LRBA: variants seen among roughly 807,000 people sequenced by gnomAD.
LRBA encodes the protein lipopolysaccharide-responsive and beige-like anchor protein.
LRBA carries 176 observed loss-of-function variants against 330.0 expected under a neutral mutation model. That is an observed-to-expected ratio of 0.53 (90% CI 0.47 to 0.60). The LOEUF is 0.60. Ranked by LOEUF, LRBA falls within the 20% of genes least tolerant of loss-of-function variation. LRBA has a pLI of 0.00. For missense variants in LRBA, 3,259 were observed against 3,444.8 expected (o/e 0.95, Z 1.35); for synonymous variants, 1,230 against 1,193.0 (o/e 1.03, Z -0.64).
chr4:150,897,527 A>G (rs1730222490), intron 15 of LRBA, among the ~76,000 whole-genome samples: 1 of 152,088 alleles, frequency 6.6e-6, no homozygotes, highest in African/African-American at 2.4e-5. Flanking sequence ...TATATAACAT[A>G]AAATACAACT....
chr4:150,807,383 C>G (rs932471944), intron 32 of LRBA, among the ~76,000 whole-genome samples: 1 of 152,090 alleles, frequency 6.6e-6, no homozygotes, highest in African/African-American at 2.4e-5. Flanking sequence ...TGAAGAGTAT[C>G]ACAAATACTA....
At chr4:150,629,255 T>C (rs879491317) in intron 37 of LRBA, among the ~76,000 whole-genome samples, 2 of 152,228 alleles carry the variant, frequency 1.3e-5, no homozygotes, top group Admixed American at 1.3e-4. Context: ...TCCAATACTG[T>C]TTCTTTAGAA....
At chr4:150,502,748 G>A (rs1017050430) in intron 40 of LRBA, among the ~76,000 whole-genome samples, 1 of 152,234 alleles carries the variant, frequency 6.6e-6, no homozygotes, top group African/African-American at 2.4e-5. Context: ...GCGAAGCAGG[G>A]CAAGGCATTG....
chr4:150,573,368 T>C (rs1196170856), intron 40 of LRBA, among the ~76,000 whole-genome samples: 1 of 152,200 alleles, frequency 6.6e-6, no homozygotes, highest in Non-Finnish European at 1.5e-5. Context: ...CTCAGTCTTT[T>C]AGGTTTGCAC....
chr4:150,976,435 C>G (rs969408503), intron 2 of LRBA, among the ~76,000 whole-genome samples: 6 of 152,082 alleles, frequency 3.9e-5, no homozygotes, highest in African/African-American at 1.4e-4. Context: ...TTACATACTC[C>G]TACTGGCAAA....
chr4:150,620,151 T>A (rs567886170), intron 37 of LRBA, among the ~76,000 whole-genome samples: 42 of 151,892 alleles, frequency 2.8e-4, no homozygotes, highest in South Asian at 1.3e-3. Flanking sequence ...AGTGTATTTT[T>A]AAAAAAAACA....
At chr4:150,886,212 A>AT (rs1479186335) in intron 17 of LRBA, among the ~76,000 whole-genome samples, 1 of 152,140 alleles carries the variant, frequency 6.6e-6, no homozygotes, top group African/African-American at 2.4e-5. Flanking sequence ...TAGAAGAATC[A>AT]TTTTTTTCCT....
chr4:150,521,984 C>T (rs1485208479), intron 40 of LRBA, among the ~76,000 whole-genome samples: 1 of 152,158 alleles, frequency 6.6e-6, no homozygotes, highest in East Asian at 1.9e-4. Context: ...GTTTGCTTCA[C>T]ATTTAAAATC....
chr4:150,356,204 T>C (rs1397618130), intron 47 of LRBA, among the ~76,000 whole-genome samples: 1 of 152,108 alleles, frequency 6.6e-6, no homozygotes, highest in Non-Finnish European at 1.5e-5. Context: ...TTGAATTAAA[T>C]GATTTTGATT....
chr4:150,434,860 G>GA (rs113555857), intron 46 of LRBA, among the ~76,000 whole-genome samples: 89 of 134,792 alleles, frequency 6.6e-4, no homozygotes, highest in Middle Eastern at 7.6e-3. Context: ...CTTGTTTCAA[G>GA]AAAAAAAAAA....
At chr4:150,960,777 TTC>T (rs1450217746) in intron 2 of LRBA, among the ~76,000 whole-genome samples, 2 of 149,448 alleles carry the variant, frequency 1.3e-5, no homozygotes, top group African/African-American at 5.2e-5. Flanking sequence ...TATGAGAAAG[TTC>T]TGTCAATGGT....
At chr4:150,930,257 G>A (rs1050694865) in intron 2 of LRBA, among the ~76,000 whole-genome samples, 1 of 151,854 alleles carries the variant, frequency 6.6e-6, no homozygotes, top group African/African-American at 2.4e-5. Context: ...AGAGATTGCA[G>A]TGAGCTGAGA....
At chr4:150,757,654 C>T (rs1191354256) in intron 35 of LRBA, among the ~76,000 whole-genome samples, 4 of 152,128 alleles carry the variant, frequency 2.6e-5, no homozygotes, top group Non-Finnish European at 4.4e-5. Flanking sequence ...ACATCTACTC[C>T]TATGAAAACT....
At chr4:150,632,017 G>A (rs1217843546) in intron 37 of LRBA, among the ~76,000 whole-genome samples, 2 of 152,156 alleles carry the variant, frequency 1.3e-5, no homozygotes, top group African/African-American at 4.8e-5. Flanking sequence ...GATCATTTGA[G>A]GTCGGGAGTG....
At chr4:150,542,788 T>TA (rs1004392736) in intron 40 of LRBA, among the ~76,000 whole-genome samples, 1 of 152,140 alleles carries the variant, frequency 6.6e-6, no homozygotes, top group African/African-American at 2.4e-5. Context: ...CTCAATGATT[T>TA]AAAATCACCC....
At chr4:150,868,151 C>G in intron 21 of LRBA, 31 bp downstream of exon 21, 1 of 1,580,474 alleles carries the variant, frequency 6.3e-7, no homozygotes, top group Non-Finnish European at 8.6e-7. Flanking sequence ...CATTTGAATA[C>G]TGCAAATAAA....
Position 150,610,568 on chromosome 4 carries a change from G to A in LRBA, c.5922-11437C>T, listed in dbSNP as rs182540076. 4.1e-3 allele frequency among the ~76,000 whole-genome samples: 630 copies of A among 152,016 alleles called. 5 individuals are homozygous for A. The highest frequency in any genetic ancestry group is 0.015 in the African/African-American group (606 of 41,452). On this transcript the variant is annotated intron_variant, in intron 37 of 56. Transcript: ENST00000651943. ...TACACCACTGCACTCCAGCCTGGGC[G>A]ACAGGGTGAGACTCCCATCACAAAA...
Position 150,733,503 on chromosome 4 carries a change from C to G in LRBA, c.5754+1755G>C, listed in dbSNP as rs1207813269. 2.6e-5 allele frequency among the ~76,000 whole-genome samples: 4 copies of G among 151,796 alleles called. No homozygotes were observed. The East Asian group carries it at 7.7e-4, about 29-fold the overall frequency. On this transcript the variant is annotated intron_variant, in intron 36 of 56. Transcript: ENST00000651943. ...AGTGAATAGGAGTTCCTGCTTTATTCTTACAACTTTCCTGAAAGCCTCAAA... is the reference window on the plus strand; with the variant it reads ...AGTGAATAGGAGTTCCTGCTTTATTGTTACAACTTTCCTGAAAGCCTCAAA...
chr4:150,662,211 C>A (rs1375047694), intron 37 of LRBA, among the ~76,000 whole-genome samples: 1 of 152,094 alleles, frequency 6.6e-6, no homozygotes, highest in Non-Finnish European at 1.5e-5. Flanking sequence ...CATGAAAAAT[C>A]ATGATTATTA....
Sources: gnomAD v4.1 joint callset for allele counts (sites outside exome capture counted in the v4.1 genomes callset) on GRCh38, gnomAD v4.1.1 for gene constraint, MANE v1.5 for transcripts, NCBI Gene and HGNC (gene_info 2026-07-23, HGNC 2026-07-21) for gene names.